ELL2: variants seen among roughly 807,000 people sequenced by gnomAD.
The protein encoded by ELL2 is elongation factor for RNA polymerase II 2, also known as RNA polymerase II elongation factor ELL2.
In ELL2, 21 loss-of-function variants were observed where a neutral mutation model predicts 72.8. The ratio of observed to expected loss-of-function variants is 0.29; its 90% CI spans 0.20 to 0.42. ELL2 has a LOEUF of 0.42. ELL2 is among the 10% of genes least tolerant of loss of function. ELL2 has a pLI of 1.00. For missense variants in ELL2, 568 were observed against 772.8 expected (o/e 0.73, Z 3.14); for synonymous variants, 266 against 283.2 (o/e 0.94, Z 0.61).
chr5:95,943,165 A>T, intron 1 of ELL2, 116 bp from the exon 2 acceptor site: 1 of 724,100 alleles, frequency 1.4e-6, no homozygotes. Flanking sequence ...TCATGACTCT[A>T]ATCCCAGCAC....
intron 5 of ELL2, among the ~76,000 whole-genome samples, chr5:95,904,101 C>T (rs1191823763): frequency 6.6e-6 from 1 of 152,186 alleles, no homozygotes; most frequent in Non-Finnish European, 1.5e-5. Flanking sequence ...AAAATGCAGC[C>T]ATCTGAGAAA....
intron 1 of ELL2, among the ~76,000 whole-genome samples, chr5:95,944,926 A>G (rs1203625360): frequency 6.6e-6 from 1 of 152,186 alleles, no homozygotes; most frequent in African/African-American, 2.4e-5. Flanking sequence ...CAGCTTTCAA[A>G]TTGCTGATAT....
chr5:95,890,298 C>T (rs938573853), intron 10 of ELL2, among the ~76,000 whole-genome samples: 2 of 152,144 alleles, frequency 1.3e-5, no homozygotes, highest in African/African-American at 4.8e-5. Flanking sequence ...ATCTTGAGGA[C>T]ACAAATGCTC....
rs771197675 is a variant in ELL2 at position 95,889,146 on chromosome 5, T to A, written c.1762-16A>T. Reference sequence around the variant, plus strand: ...CATGAACATTCTACAAAATTAAATATTAGAAATCAGAAGAGAACAACTTCT... The same window carrying A: ...CATGAACATTCTACAAAATTAAATAATAGAAATCAGAAGAGAACAACTTCT... On this transcript the variant is annotated splice_polypyrimidine_tract_variant and intron_variant, in intron 10 of 11. Transcript: ENST00000237853. 6.3e-7 allele frequency: 1 copy of A among 1,588,852 alleles called. No homozygotes were observed. The highest frequency in any genetic ancestry group is 1.7e-5 in the Admixed American group (1 of 58,378).
At chr5:95,948,175 G>C (rs1751237579) in intron 1 of ELL2, among the ~76,000 whole-genome samples, 1 of 152,086 alleles carries the variant, frequency 6.6e-6, no homozygotes, top group South Asian at 2.1e-4. Context: ...GGTTGCTCAC[G>C]CCTGTAATCC....
intron 7 of ELL2, chr5:95,900,301 T>C (rs115736436): frequency 6.4e-6 from 1 of 155,110 alleles, no homozygotes; most frequent in Non-Finnish European, 1.4e-5. Context: ...AAATCCATTT[T>C]CCCCAAAAAA....
In ELL2 at chr5:95,897,690, G is replaced by A. The variant is rs115802126; in HGVS notation, c.1525+550C>T. On this transcript the variant is annotated intron_variant, in intron 8 of 11. Transcript: ENST00000237853. The stretch of plus-strand genomic sequence containing the variant: ...AAACCTTAAGATCTATTAAGCGAAC[G>A]CTAGCCAACAGTCTTGCAAAAGACA... Among the ~76,000 whole-genome samples the A allele has an allele frequency of 9.0e-3, 1,372 of 152,284 alleles. 18 individuals carry two copies. Among genetic ancestry groups the A allele is most frequent in the African/African-American group, 0.032 (1,324 of 41,576 alleles).
At chr5:95,937,138 T>C (rs1330063744) in intron 2 of ELL2, among the ~76,000 whole-genome samples, 2 of 152,154 alleles carry the variant, frequency 1.3e-5, no homozygotes, top group Non-Finnish European at 2.9e-5. Flanking sequence ...TGCAGTTTGG[T>C]GAAGGACAGA....
intron 1 of ELL2, among the ~76,000 whole-genome samples, chr5:95,954,409 T>C (rs1442168719): frequency 1.4e-5 from 2 of 147,672 alleles, no homozygotes; most frequent in East Asian, 3.9e-4. Context: ...TATTCTTTTT[T>C]TTTTTTTTTT....
At chr5:95,960,972 G>A (rs1168676532) in intron 1 of ELL2, among the ~76,000 whole-genome samples, 1 of 151,534 alleles carries the variant, frequency 6.6e-6, no homozygotes. Flanking sequence ...AGTACACCGT[G>A]TGCCCCTCAC....
At chr5:95,947,869 A>G (rs1751224265) in intron 1 of ELL2, among the ~76,000 whole-genome samples, 1 of 125,742 alleles carries the variant, frequency 8.0e-6, no homozygotes, top group South Asian at 2.6e-4. Flanking sequence ...AAAACTGAAA[A>G]AAATAGTTTT....
intron 9 of ELL2, among the ~76,000 whole-genome samples, chr5:95,892,013 C>T (rs942468891): frequency 6.6e-6 from 1 of 152,126 alleles, no homozygotes; most frequent in African/African-American, 2.4e-5. Context: ...TAATAAAATG[C>T]CATAAATCTG....
chr5:95,919,157 T>C (rs983129014), intron 3 of ELL2, among the ~76,000 whole-genome samples: 1 of 152,164 alleles, frequency 6.6e-6, no homozygotes, highest in African/African-American at 2.4e-5. Context: ...TTTCAAAAAC[T>C]GCATTTTTAT....
rs184950957 is a variant in ELL2, at chr5:95,943,813, A to G, written c.148-764T>C. On this transcript the variant is annotated intron_variant, in intron 1 of 11. Transcript: ENST00000237853. ...TTCTTCTTGATAACTTCAATATTTT[A>G]TCATAGAGTTGTGCATTTAGAAGAA... is the stretch of plus-strand genomic sequence containing the variant. 2.2e-4 allele frequency among the ~76,000 whole-genome samples: 34 copies of G among 152,286 alleles called. 1 individual carries two copies. Among genetic ancestry groups the G allele is most frequent in the Admixed American group, 2.0e-3 (31 of 15,294 alleles).
chr5:95,911,129 A>C (rs1316000453), intron 4 of ELL2, among the ~76,000 whole-genome samples: 2 of 152,252 alleles, frequency 1.3e-5, no homozygotes, highest in Admixed American at 6.5e-5. Context: ...TGAATCAGAC[A>C]GTTTTGAGAC....
chr5:95,940,073 G>C (rs974285340), intron 2 of ELL2, among the ~76,000 whole-genome samples: 1 of 152,170 alleles, frequency 6.6e-6, no homozygotes, highest in Non-Finnish European at 1.5e-5. Flanking sequence ...CATGAGTTTA[G>C]AAATGAGAAT....
chr5:95,960,697 C>A (rs965158902), intron 1 of ELL2, among the ~76,000 whole-genome samples: 1 of 152,064 alleles, frequency 6.6e-6, no homozygotes, highest in African/African-American at 2.4e-5. Context: ...GTTGAGCGTC[C>A]GTGAACCTCT....
intron 2 of ELL2, among the ~76,000 whole-genome samples, chr5:95,921,735 G>T (rs953762454): frequency 2.6e-5 from 4 of 152,234 alleles, no homozygotes; most frequent in Non-Finnish European, 5.9e-5. Context: ...TCTCTGGGAA[G>T]AGCAGGGTTC....
chr5:95,918,107 C>T (rs1289919467), intron 3 of ELL2, among the ~76,000 whole-genome samples: 3 of 152,170 alleles, frequency 2.0e-5, no homozygotes, highest in South Asian at 2.1e-4. Flanking sequence ...TCACTAAGGA[C>T]CCTAATACTT....
Sources: gnomAD v4.1 joint callset for allele counts (sites outside exome capture counted in the v4.1 genomes callset) on GRCh38, gnomAD v4.1.1 for gene constraint, MANE v1.5 for transcripts, NCBI Gene and HGNC (gene_info 2026-07-23, HGNC 2026-07-21) for gene names.